The following PCDHA3 variants were observed in gnomAD, a reference collection of about 807,000 sequenced individuals.
The protein encoded by PCDHA3 is protocadherin alpha 3.
PCDHA3 carries 41 observed loss-of-function variants against 62.2 expected under a neutral mutation model. The ratio of observed to expected loss-of-function variants is 0.66; its 90% confidence interval spans 0.51 to 0.86. PCDHA3 has a LOEUF of 0.86. Ranked by LOEUF, PCDHA3 falls within the 40% of genes least tolerant of loss-of-function variation. The pLI is 0.00. For missense variants in PCDHA3, 1,304 were observed against 1,241.2 expected, an observed-to-expected ratio of 1.05 and a Z score of -0.76; for synonymous variants, 640 against 555.4, an observed-to-expected ratio of 1.15 and a Z score of -2.14.
At chr5:140,968,097 G>A in intron 1 of PCDHA3, 1 of 1,614,112 alleles carries the variant, frequency 6.2e-7, no homozygotes, top group Non-Finnish European at 8.5e-7. Flanking sequence ...GCCACAGATG[G>A]GGGAATACCG....
In PCDHA3 at chr5:140,848,792, C is replaced by T; in HGVS notation, c.2394+45201C>T. 3.8e-6 allele frequency: 6 copies of T among 1,592,840 alleles called. 1 individual carries two copies. Among genetic ancestry groups the T allele is most frequent in the Non-Finnish European group, 5.2e-6 (6 of 1,163,812 alleles). On this transcript the variant is annotated intron_variant, in intron 1 of 3. Coordinates refer to ENST00000522353, the MANE Select transcript of PCDHA3 (RefSeq NM_018906.3). ...ACCGCGAGGAGCTGTGCGGGCGGAG[C>T]GCGGAGTGCAGCATCCACCTGGAGG... is the stretch of plus-strand genomic sequence containing the variant.
chr5:140,815,956 G>A (rs1554126939), intron 1 of PCDHA3: 1 of 152,172 alleles, frequency 6.6e-6, no homozygotes, highest in Non-Finnish European at 1.5e-5. Context: ...GGTAGAGTTA[G>A]GGGTGTTCTT....
intron 1 of PCDHA3, among the ~76,000 whole-genome samples, chr5:140,976,377 C>T (rs1472568038): frequency 2.0e-5 from 3 of 151,896 alleles, no homozygotes; most frequent in Admixed American, 6.6e-5. Flanking sequence ...ATGGTGAAAC[C>T]CCATCTCTAC....
chr5:140,830,698 C>A, intron 1 of PCDHA3: 1 of 278,556 alleles, frequency 3.6e-6, no homozygotes, highest in Non-Finnish European at 6.4e-6. Flanking sequence ...ATCTGCACCT[C>A]AGAATTTTTG....
intron 1 of PCDHA3, chr5:140,860,808 G>GCTCA (rs2153220670): frequency 6.6e-6 from 1 of 152,328 alleles, no homozygotes. Context: ...CACGATCTCG[G>GCTCA]CTCACTGCAA....
At chr5:140,858,515 C>A in intron 1 of PCDHA3, 1 of 1,416,092 alleles carries the variant, frequency 7.1e-7, no homozygotes, top group South Asian at 1.2e-5. Context: ...AAATATGTAT[C>A]AGAATATTTC....
At chr5:140,900,712 A>G (rs1408382305) in intron 1 of PCDHA3, among the ~76,000 whole-genome samples, 2 of 152,234 alleles carry the variant, frequency 1.3e-5, no homozygotes, top group Non-Finnish European at 2.9e-5. Context: ...TTGGAAAGAA[A>G]GGAAATCCTA....
chr5:140,916,559 G>C (rs1170876334), intron 1 of PCDHA3, among the ~76,000 whole-genome samples: 2 of 152,224 alleles, frequency 1.3e-5, no homozygotes, highest in African/African-American at 4.8e-5. Flanking sequence ...TATTTGTCCA[G>C]GGTGTGTCTA....
chr5:140,882,466 G>A (rs782656797), intron 1 of PCDHA3: 1 of 1,614,028 alleles, frequency 6.2e-7, no homozygotes, highest in South Asian at 1.1e-5. Flanking sequence ...TGTTCCGGGT[G>A]GCGTCCAAAA....
chr5:140,877,509 G>T (rs781824762), intron 1 of PCDHA3: 21 of 1,613,700 alleles, frequency 1.3e-5, no homozygotes, highest in Non-Finnish European at 1.7e-5. Flanking sequence ...CAAAGACGTC[G>T]TCGCGGGCCT....
At chr5:140,870,534 G>C (rs547039725) in intron 1 of PCDHA3, 2 of 1,614,032 alleles carry the variant, frequency 1.2e-6, no homozygotes, top group Non-Finnish European at 1.7e-6. Flanking sequence ...TCACAGTGTC[G>C]GCGCGGGACG....
At chr5:140,872,638 G>A (rs1429990038) in intron 1 of PCDHA3, among the ~76,000 whole-genome samples, 2 of 152,092 alleles carry the variant, frequency 1.3e-5, no homozygotes, top group Admixed American at 1.3e-4. Flanking sequence ...TTTGTTCCAT[G>A]AAAAGGCAAG....
At chr5:140,836,325 C>G in intron 1 of PCDHA3, 18 of 1,613,750 alleles carry the variant, frequency 1.1e-5, no homozygotes, top group Non-Finnish European at 1.4e-5. Context: ...CCACCGCCTT[C>G]TGGTGCTTGT....
In PCDHA3 at chr5:140,988,105, A is replaced by C. The variant is rs2097283158; in HGVS notation, c.2542+5542A>C. On this transcript the variant is annotated intron_variant, in intron 3 of 3. Transcript: ENST00000522353. ...TGAGTGCAGCCTCGGGCCTTGTTGGAGAATTTAGAAAGCATGCTGTTCCAC... is the reference window on the plus strand; with the variant it reads ...TGAGTGCAGCCTCGGGCCTTGTTGGCGAATTTAGAAAGCATGCTGTTCCAC... Among the ~76,000 whole-genome samples the C allele has an allele frequency of 2.6e-5, 4 of 152,138 alleles. No individual in the cohort carries two copies. In the South Asian group the frequency reaches 8.3e-4, roughly 32 times the overall value.
At chr5:140,968,592 C>G (rs1554230905) in intron 1 of PCDHA3, 1 of 1,614,208 alleles carries the variant, frequency 6.2e-7, no homozygotes, top group African/African-American at 1.3e-5. Flanking sequence ...AAAGTCATAG[C>G]TATGGACTCA....
At chr5:140,811,911 G>C (rs2126632948) in intron 1 of PCDHA3, 30 of 152,262 alleles carry the variant, frequency 2.0e-4, no homozygotes, top group African/African-American at 6.5e-4. Context: ...CCCTTTGTCA[G>C]ATGGGTAGAT....
chr5:140,971,284 A>G lies in PCDHA3; in HGVS notation c.2395-7665A>G, dbSNP rs573117700. 1.7e-3 allele frequency among the ~76,000 whole-genome samples: 257 copies of G among 152,334 alleles called. 1 individual carries two copies. The highest frequency in any genetic ancestry group is 3.4e-3 in the Non-Finnish European group (234 of 68,028). ...CTGTCTTACACTGACCTGTATATTAATATGTACTTTGGTACACAAACATTT... is the reference window on the plus strand; with the variant it reads ...CTGTCTTACACTGACCTGTATATTAGTATGTACTTTGGTACACAAACATTT... On this transcript the variant is annotated intron_variant, in intron 1 of 3. Transcript: ENST00000522353.
At chr5:140,829,903 C>T (rs2150177416) in intron 1 of PCDHA3, 3 of 1,613,978 alleles carry the variant, frequency 1.9e-6, no homozygotes, top group Non-Finnish European at 1.7e-6. Flanking sequence ...CAGGCTACAA[C>T]GCGTGGCTTT....
intron 1 of PCDHA3, among the ~76,000 whole-genome samples, chr5:140,826,477 T>G (rs2150143939): frequency 6.6e-6 from 1 of 152,310 alleles, no homozygotes; most frequent in Non-Finnish European, 1.5e-5. Flanking sequence ...GGCATTTTAC[T>G]GTATATCAGA....
Sources: gnomAD v4.1 joint callset for allele counts (sites outside exome capture counted in the v4.1 genomes callset) on GRCh38, gnomAD v4.1.1 for gene constraint, MANE v1.5 for transcripts, NCBI Gene and HGNC (gene_info 2026-07-23, HGNC 2026-07-21) for gene names.